Variants in PCDH10 observed in about 807,000 individuals in gnomAD.
The protein encoded by PCDH10 is protocadherin-10.
Under a neutral mutation model 74.4 loss-of-function variants are expected in PCDH10, and 15 were observed. The observed-to-expected ratio is 0.20, with a 90% confidence interval of 0.13 to 0.31. The LOEUF (loss-of-function observed/expected upper bound fraction) is 0.31. Ranked by LOEUF, PCDH10 falls within the 10% of genes least tolerant of loss-of-function variation. PCDH10 has a pLI of 1.00. For synonymous variants in PCDH10, 619 were observed against 589.8 expected, an observed-to-expected ratio of 1.05 and a Z score of -0.72; for missense variants, 1,260 against 1,390.2, an observed-to-expected ratio of 0.91 and a Z score of 1.49.
chr4:133,164,257 A>G (rs961231322), intron 4 of PCDH10, among the ~76,000 whole-genome samples: 3 of 152,030 alleles, frequency 2.0e-5, no homozygotes, highest in Non-Finnish European at 4.4e-5. Flanking sequence ...TTTGGATGCT[A>G]ATGTCTTAAG....
intron 2 of PCDH10, among the ~76,000 whole-genome samples, chr4:133,205,310 T>C (rs1727979816): frequency 6.6e-6 from 1 of 152,216 alleles, no homozygotes; most frequent in Non-Finnish European, 1.5e-5. Flanking sequence ...CAGGCTTGAC[T>C]CATGTCAAAT....
chr4:133,164,816 G>A (rs966692418), intron 4 of PCDH10, among the ~76,000 whole-genome samples: 1 of 150,446 alleles, frequency 6.6e-6, no homozygotes, highest in African/African-American at 2.4e-5. Context: ...TTAAGAATCT[G>A]GTCTTTCATT....
chr4:133,189,899 G>A (rs1195275140), intron 4 of PCDH10, among the ~76,000 whole-genome samples: 1 of 151,818 alleles, frequency 6.6e-6, no homozygotes, highest in Non-Finnish European at 1.5e-5. Context: ...TTCATCTTTG[G>A]TATATAAAAT....
rs750135188 is a variant in PCDH10, at chr4:133,192,570, T to G, written c.*2410T>G. The G allele has an allele frequency of 5.3e-5, 8 of 151,644 alleles. No homozygotes were observed. Among genetic ancestry groups the G allele is most frequent in the Admixed American group, 2.6e-4 (4 of 15,186 alleles). 9.4% of individuals were successfully genotyped at this position (151,644 alleles called of 1,614,324 possible). A position where few individuals can be genotyped will look rare whatever the true frequency, so the allele number is the denominator to read the frequency against. ...TTGAACCAACTTTTTTATTATATATTTGTGTATTAGTTATTTTCATATATC... is the reference window on the plus strand; with the variant it reads ...TTGAACCAACTTTTTTATTATATATGTGTGTATTAGTTATTTTCATATATC... On this transcript the variant is annotated 3_prime_UTR_variant, in exon 5 of 5. Coordinates refer to ENST00000264360, the MANE Select transcript of PCDH10 (RefSeq NM_032961.3).
chr4:133,173,222 AAG>A (rs1727233140), intron 4 of PCDH10, among the ~76,000 whole-genome samples: 1 of 151,978 alleles, frequency 6.6e-6, no homozygotes, highest in Non-Finnish European at 1.5e-5. Flanking sequence ...GGCGTATCTG[AAG>A]AGAGTTTAAA....
intron 3 of PCDH10, 106 bp downstream of exon 3, chr4:133,155,129 G>T (rs1726838596): frequency 2.7e-6 from 2 of 732,000 alleles, no homozygotes; most frequent in Middle Eastern, 2.3e-4. Flanking sequence ...TAGGTCTAAT[G>T]CTGGTAACTC....
chr4:133,208,056 A>C (rs1294278733), intron 2 of PCDH10: 1 of 152,120 alleles, frequency 6.6e-6, no homozygotes, highest in Non-Finnish European at 1.5e-5. Flanking sequence ...CTGTCTCATT[A>C]TTTTCTGGAT....
chr4:133,196,168 CAG>C (rs1410708324), downstream of PCDH10, among the ~76,000 whole-genome samples: 8 of 152,128 alleles, frequency 5.3e-5, no homozygotes, highest in African/African-American at 1.7e-4. Context: ...TTTATCAAGA[CAG>C]GGGAATTGCA....
rs144366366 is a variant in PCDH10, at chr4:133,205,983, C to A, written n.438-2093C>A. ...ATGTCTTATGATACTTGGCTGTCAG[C>A]TCATAATTAAGAATGTAGGTACTCT... On this transcript the variant is annotated intron_variant and non_coding_transcript_variant, in intron 2 of 2. Coordinates refer to the PCDH10 transcript ENST00000511112. 6.3e-3 allele frequency among the ~76,000 whole-genome samples: 961 copies of A among 152,230 alleles called. 12 individuals are homozygous for A. The highest frequency in any genetic ancestry group is 0.022 in the African/African-American group (901 of 41,538).
intron 3 of PCDH10, among the ~76,000 whole-genome samples, chr4:133,162,314 G>T (rs960309387): frequency 1.8e-4 from 27 of 152,232 alleles, no homozygotes; most frequent in African/African-American, 6.5e-4. Flanking sequence ...TTAGTAATAT[G>T]GACTACCAGA....
intron 4 of PCDH10, among the ~76,000 whole-genome samples, chr4:133,165,172 A>G (rs184820950): frequency 1.3e-5 from 2 of 150,816 alleles, no homozygotes; most frequent in South Asian, 2.1e-4. Context: ...GCCAGTTCAC[A>G]CGGCTCAAAA....
chr4:133,166,196 G>T (rs1468388959), intron 4 of PCDH10, among the ~76,000 whole-genome samples: 1 of 151,314 alleles, frequency 6.6e-6, no homozygotes, highest in East Asian at 1.9e-4. Context: ...AATTTAAACA[G>T]GTAGAACATG....
intron 4 of PCDH10, among the ~76,000 whole-genome samples, chr4:133,170,795 C>T (rs1177139886): frequency 2.0e-5 from 3 of 151,990 alleles, no homozygotes; most frequent in African/African-American, 4.8e-5. Context: ...CGGGTTCGAG[C>T]GATTTTCCTG....
chr4:133,156,977 T>C (rs1283618570), intron 3 of PCDH10, among the ~76,000 whole-genome samples: 1 of 152,254 alleles, frequency 6.6e-6, no homozygotes, highest in African/African-American at 2.4e-5. Flanking sequence ...TTTAAAAGAA[T>C]ACTAAAATGT....
Position 133,163,114 on chromosome 4 carries a change from G to C in PCDH10, c.2935G>C (p.Asp979His). 3 of 1,614,138 alleles carry C rather than the reference G, an allele frequency of 1.9e-6. No homozygotes were observed. Among genetic ancestry groups the C allele is most frequent in the Non-Finnish European group, 2.5e-6 (3 of 1,180,032 alleles). The part of the protein sequence containing the change: ...YRSNLHVPGM[D>H]SVPDTEVFET... ...CAGCAATCTGCATGTTCCTGGCATG[G>C]ACTCTGTTCCAGACACTGAGGTGTT... is the stretch of plus-strand genomic sequence containing the variant. Residue 979 changes from aspartate (D) to histidine (H), a missense_variant, in exon 4 of 5, where the codon GAC becomes CAC. Coordinates refer to ENST00000264360, the MANE Select transcript of PCDH10 (RefSeq NM_032961.3).
At position 133,149,712 on chromosome 4, in the gene PCDH10, TTCC is replaced by T. The variant is rs200363270; in HGVS notation, c.-414_-412del. The T allele has an allele frequency of 1.6e-4, 25 of 159,626 alleles. No individual in the cohort carries two copies. Among genetic ancestry groups the T allele is most frequent in the Non-Finnish European group, 2.2e-4 (16 of 73,266 alleles). The allele number at this position is 159,626 out of a possible 1,614,324, so 9.9% of individuals were successfully genotyped here. On this transcript the variant is annotated 5_prime_UTR_variant, in exon 1 of 5. Transcript: ENST00000264360. ...CCTTCTCCTCTTCCTCTTCTTCTTC[TTCC>T]TCCTCCTCCTCCTCTTTTTCCTCCT...
chr4:133,200,398 C>T (rs1015000611), intron 2 of PCDH10, among the ~76,000 whole-genome samples: 2 of 151,084 alleles, frequency 1.3e-5, no homozygotes, highest in East Asian at 3.9e-4. Context: ...ACACCCATAA[C>T]AATAAGTAAT....
rs1411495287 is a variant in PCDH10 at position 133,204,652 on chromosome 4, A to G, written n.438-3424A>G. 2.6e-5 allele frequency among the ~76,000 whole-genome samples: 4 copies of G among 152,328 alleles called. No homozygotes were observed. In the East Asian group the frequency reaches 7.7e-4, roughly 29 times the overall value. On this transcript the variant is annotated intron_variant and non_coding_transcript_variant, in intron 2 of 2. Coordinates refer to the PCDH10 transcript ENST00000511112. Reference sequence around the variant, plus strand: ...CCAATTTGGCCTTCCCAGTATCATGAAACCACTTAGTTATCCAAAAGCAGT... The same window carrying G: ...CCAATTTGGCCTTCCCAGTATCATGGAACCACTTAGTTATCCAAAAGCAGT...
chr4:133,190,027 G>C lies in PCDH10; in HGVS notation c.3104-114G>C, dbSNP rs888764159. The C allele has an allele frequency of 6.0e-6, 5 of 828,062 alleles. No individual in the cohort carries two copies. The African/African-American group carries it at 8.5e-5, about 14-fold the overall frequency. 51.3% of individuals were successfully genotyped at this position (828,062 alleles called of 1,614,324 possible). A position where few individuals can be genotyped will look rare whatever the true frequency, so the allele number is the denominator to read the frequency against. On this transcript the variant is annotated intron_variant, in intron 4 of 4. Transcript: ENST00000264360. ...AAAAAGTTTGACACTACATGTGTTT[G>C]GTATGAGGGTACAACTAGTTTCTAA... is the stretch of plus-strand genomic sequence containing the variant.
Sources: allele counts gnomAD v4.1 joint callset (sites outside exome capture counted in the v4.1 genomes callset), GRCh38; gene constraint gnomAD v4.1.1; transcripts MANE v1.5; gene names NCBI Gene and HGNC (gene_info 2026-07-23, HGNC 2026-07-21).